OSBPL10: variants seen among roughly 807,000 people sequenced by gnomAD.
OSBPL10 encodes the protein oxysterol binding protein like 10.
Under a neutral mutation model 81.7 loss-of-function variants are expected in OSBPL10, and 49 were observed. The observed-to-expected ratio is 0.60, with a 90% CI of 0.48 to 0.76. OSBPL10 has a LOEUF of 0.76. Ranked by LOEUF, OSBPL10 falls within the 30% of genes least tolerant of loss-of-function variation. OSBPL10 has a pLI of 0.00. For synonymous variants in OSBPL10, 419 were observed against 383.6 expected (o/e 1.09, Z -1.08); for missense variants, 923 against 987.8 (o/e 0.93, Z 0.88).
At chr3:31,797,988 T>C in intron 4 of OSBPL10, 1 of 311,248 alleles carries the variant, frequency 3.2e-6, no homozygotes, top group Non-Finnish European at 6.5e-6. Context: ...TTCCAAACTC[T>C]GGGTCCGGGC....
intron 1 of OSBPL10, among the ~76,000 whole-genome samples, chr3:31,930,022 A>AAC (rs1190052381): frequency 6.6e-6 from 1 of 150,502 alleles, no homozygotes; most frequent in African/African-American, 2.4e-5. Flanking sequence ...AAAAAAAAAA[A>AAC]AAAACAGGTG....
At chr3:32,053,026 TGG>T (rs1311247331) in intron 1 of OSBPL10, among the ~76,000 whole-genome samples, 1 of 152,160 alleles carries the variant, frequency 6.6e-6, no homozygotes, top group African/African-American at 2.4e-5. Context: ...AGGTAAGGCC[TGG>T]GGACATGTGG....
chr3:31,784,869 T>C (rs1474825791), intron 4 of OSBPL10, among the ~76,000 whole-genome samples: 2 of 96,738 alleles, frequency 2.1e-5, no homozygotes, highest in Non-Finnish European at 3.9e-5. Context: ...TGACTTAATA[T>C]AACTTTTTTG....
At chr3:31,989,124 A>C (rs1475465822) in intron 2 of OSBPL10, 3 of 1,614,084 alleles carry the variant, frequency 1.9e-6, no homozygotes, top group Non-Finnish European at 2.5e-6. Context: ...AAAAGGAGCC[A>C]GGCATGGCTC....
chr3:31,965,888 CAT>C (rs1360335345), intron 1 of OSBPL10, among the ~76,000 whole-genome samples: 6 of 66,102 alleles, frequency 9.1e-5, no homozygotes, highest in Non-Finnish European at 1.5e-4. Flanking sequence ...AAATAGATAA[CAT>C]ATATTATATA....
At chr3:31,859,423 A>G (rs1370422285) in intron 3 of OSBPL10, among the ~76,000 whole-genome samples, 1 of 152,228 alleles carries the variant, frequency 6.6e-6, no homozygotes, top group Non-Finnish European at 1.5e-5. Flanking sequence ...CCTTTGCAAC[A>G]TCCTTTATAA....
chr3:31,664,783 T>C (rs188041607), intron 10 of OSBPL10, among the ~76,000 whole-genome samples: 1 of 152,260 alleles, frequency 6.6e-6, no homozygotes, highest in Admixed American at 6.5e-5. Context: ...GCATGTGTGA[T>C]GTGTGGGTAT....
At chr3:31,712,838 A>G (rs572679620) in intron 6 of OSBPL10, among the ~76,000 whole-genome samples, 1 of 152,240 alleles carries the variant, frequency 6.6e-6, no homozygotes, top group Non-Finnish European at 1.5e-5. Flanking sequence ...CCTCCAAAAT[A>G]TGATCCTCCT....
At chr3:31,914,855 T>C (rs1159433649) in intron 1 of OSBPL10, among the ~76,000 whole-genome samples, 3 of 152,220 alleles carry the variant, frequency 2.0e-5, no homozygotes, top group Non-Finnish European at 2.9e-5. Context: ...TTGGACAACA[T>C]ACCTATATAT....
intron 6 of OSBPL10, among the ~76,000 whole-genome samples, chr3:31,725,052 T>A (rs994434327): frequency 6.6e-6 from 1 of 152,220 alleles, no homozygotes. Flanking sequence ...TTAAGAGACA[T>A]TTCTCTTGCT....
At chr3:31,880,124 T>C (rs573595394) in intron 1 of OSBPL10, among the ~76,000 whole-genome samples, 15 of 152,296 alleles carry the variant, frequency 9.8e-5, no homozygotes, top group African/African-American at 2.9e-4. Context: ...ACATTAAACC[T>C]CAGAATGACA....
intron 2 of OSBPL10, among the ~76,000 whole-genome samples, chr3:32,016,547 T>A (rs1662979914): frequency 6.6e-6 from 1 of 152,158 alleles, no homozygotes; most frequent in South Asian, 2.1e-4. Context: ...TATACATATG[T>A]AACAAACCTG....
intron 4 of OSBPL10, among the ~76,000 whole-genome samples, chr3:31,812,731 AAAGAAAGAAAGAAAG>A: frequency 5.5e-5 from 1 of 18,156 alleles, no homozygotes; most frequent in Non-Finnish European, 9.1e-5. Flanking sequence ...AGAAAGAAAG[AAAGAAAGAAAGAAAG>A]AAAGAAAGAA....
At chr3:31,713,334 T>C (rs1696326816) in intron 6 of OSBPL10, among the ~76,000 whole-genome samples, 1 of 152,184 alleles carries the variant, frequency 6.6e-6, no homozygotes, top group Non-Finnish European at 1.5e-5. Context: ...CACCTGCTCT[T>C]ATAGGTCTTC....
intron 1 of OSBPL10, among the ~76,000 whole-genome samples, chr3:31,952,198 G>T (rs1489925611): frequency 1.3e-5 from 2 of 152,188 alleles, no homozygotes; most frequent in East Asian, 3.8e-4. Flanking sequence ...CTGGTGCAAA[G>T]TGGAAAGCCA....
At chr3:31,979,951 T>G (rs1698784391) in intron 1 of OSBPL10, among the ~76,000 whole-genome samples, 2 of 151,928 alleles carry the variant, frequency 1.3e-5, no homozygotes, top group Non-Finnish European at 2.9e-5. Context: ...CTACTAATAT[T>G]AAAAGGGGGA....
At chr3:31,963,981 C>T (rs1330874164) in intron 1 of OSBPL10, among the ~76,000 whole-genome samples, 2 of 152,020 alleles carry the variant, frequency 1.3e-5, no homozygotes, top group East Asian at 3.9e-4. Context: ...TCCTGCTCAG[C>T]ATCTTCCATT....
intron 2 of OSBPL10, among the ~76,000 whole-genome samples, chr3:32,021,321 T>A (rs773096815): frequency 5.9e-5 from 9 of 152,228 alleles, no homozygotes; most frequent in Non-Finnish European, 8.8e-5. Flanking sequence ...CAGGCTCAAA[T>A]AAAGTTCAAC....
rs190072678 is a variant in OSBPL10, at chr3:31,755,160, C to T, written c.730-7040G>A. Among the ~76,000 whole-genome samples the T allele has an allele frequency of 1.3e-4, 20 of 152,256 alleles. No homozygotes were observed. The East Asian group carries it at 3.5e-3, about 26-fold the overall frequency. On this transcript the variant is annotated intron_variant, in intron 4 of 11. Transcript: ENST00000396556. ...CAGACCTCTGACTGGTGCCTCTAGT[C>T]GAAAGAATGGAGTTTCCAGCCTTCC...
Sources: gnomAD v4.1 joint callset for allele counts (sites outside exome capture counted in the v4.1 genomes callset) on GRCh38, gnomAD v4.1.1 for gene constraint, MANE v1.5 for transcripts, NCBI Gene and HGNC (gene_info 2026-07-23, HGNC 2026-07-21) for gene names.